NRXN1: variants seen among roughly 807,000 people sequenced by gnomAD.
The protein encoded by NRXN1 is neurexin-1.
Under a neutral mutation model 150.9 loss-of-function variants are expected in NRXN1, and 39 were observed. That is an observed-to-expected ratio of 0.26 (90% CI 0.20 to 0.34). The LOEUF (loss-of-function observed/expected upper bound fraction) is 0.34. NRXN1 is among the 10% of genes least tolerant of loss of function. The pLI, the probability that NRXN1 is intolerant of heterozygous loss-of-function variation, is 1.00. For synonymous variants in NRXN1, 924 were observed against 757.0 expected (o/e 1.22, Z -3.62); for missense variants, 1,815 against 1,949.9 (o/e 0.93, Z 1.30).
chr2:50,113,837 A>T (rs554843312), intron 18 of NRXN1, among the ~76,000 whole-genome samples: 2 of 152,282 alleles, frequency 1.3e-5, no homozygotes, highest in South Asian at 4.1e-4. Flanking sequence ...AGTTTCAGTT[A>T]TTATTATATC....
intron 10 of NRXN1, among the ~76,000 whole-genome samples, chr2:50,533,750 C>G (rs2093179612): frequency 6.6e-6 from 1 of 152,120 alleles, no homozygotes; most frequent in Non-Finnish European, 1.5e-5. Context: ...TCCAGATACA[C>G]CAATTTCATG....
intron 18 of NRXN1, among the ~76,000 whole-genome samples, chr2:50,221,142 C>G (rs965114888): frequency 4.6e-5 from 7 of 151,708 alleles, no homozygotes. Context: ...ACTTTAGAAT[C>G]TCATGGGCTG....
At chr2:50,782,243 C>A (rs550505434) in intron 5 of NRXN1, among the ~76,000 whole-genome samples, 1 of 151,940 alleles carries the variant, frequency 6.6e-6, no homozygotes, top group Admixed American at 6.6e-5. Flanking sequence ...CCGAGGAAGG[C>A]GGATCACTTG....
chr2:50,131,510 G>A (rs993690937), intron 18 of NRXN1, among the ~76,000 whole-genome samples: 2 of 152,134 alleles, frequency 1.3e-5, no homozygotes, highest in African/African-American at 2.4e-5. Context: ...AGAGGACATG[G>A]ACCTTGTCTT....
At chr2:50,188,687 A>C (rs202228792) in intron 18 of NRXN1, among the ~76,000 whole-genome samples, 1 of 151,502 alleles carries the variant, frequency 6.6e-6, no homozygotes, top group East Asian at 1.9e-4. Context: ...GAAAAAAAAA[A>C]CATCAAAAAG....
intron 21 of NRXN1, among the ~76,000 whole-genome samples, chr2:50,011,126 G>A (rs1685593155): frequency 6.6e-6 from 1 of 152,142 alleles, no homozygotes; most frequent in Non-Finnish European, 1.5e-5. Context: ...GTTCGGACTA[G>A]GCTTTACCTT....
chr2:50,808,964 T>G (rs974093988), intron 5 of NRXN1, among the ~76,000 whole-genome samples: 1 of 152,100 alleles, frequency 6.6e-6, no homozygotes, highest in Non-Finnish European at 1.5e-5. Context: ...TGACAACTTT[T>G]AGGAAAAAAT....
chr2:50,732,323 A>G (rs1698197666), intron 5 of NRXN1, among the ~76,000 whole-genome samples: 1 of 152,106 alleles, frequency 6.6e-6, no homozygotes, highest in African/African-American at 2.4e-5. Context: ...TTCCCAACTC[A>G]ATGTTCTCAG....
intron 5 of NRXN1, among the ~76,000 whole-genome samples, chr2:50,640,593 T>G (rs1159996633): frequency 6.6e-6 from 1 of 152,144 alleles, no homozygotes; most frequent in Non-Finnish European, 1.5e-5. Flanking sequence ...AGGGCCAATA[T>G]TTATGTAAAA....
intron 2 of NRXN1, among the ~76,000 whole-genome samples, chr2:50,942,450 C>T (rs1406204724): frequency 1.3e-5 from 2 of 152,156 alleles, no homozygotes; most frequent in Non-Finnish European, 2.9e-5. Flanking sequence ...AGGCACTTAA[C>T]ACCAGCCTGT....
chr2:50,282,379 T>C, intron 17 of NRXN1, among the ~76,000 whole-genome samples: 1 of 152,184 alleles, frequency 6.6e-6, no homozygotes, highest in Non-Finnish European at 1.5e-5. Context: ...CAGTTGACCC[T>C]TGAGCAATAC....
chr2:51,003,685 A>C (rs1401037101), intron 2 of NRXN1, among the ~76,000 whole-genome samples: 3 of 151,978 alleles, frequency 2.0e-5, no homozygotes, highest in Non-Finnish European at 4.4e-5. Flanking sequence ...ATATGACAAT[A>C]TATCCTGCTT....
intron 19 of NRXN1, among the ~76,000 whole-genome samples, chr2:50,072,757 A>G (rs1487079636): frequency 6.6e-6 from 1 of 152,200 alleles, no homozygotes; most frequent in Non-Finnish European, 1.5e-5. Context: ...CATATACCTC[A>G]GTAAAGCTGC....
intron 2 of NRXN1, among the ~76,000 whole-genome samples, chr2:50,999,406 A>G (rs2105070131): frequency 6.6e-6 from 1 of 152,110 alleles, no homozygotes; most frequent in Non-Finnish European, 1.5e-5. Flanking sequence ...AGGTGTTTAT[A>G]TGGGGCTGAA....
chr2:50,245,986 T>C (rs1018956514), intron 17 of NRXN1, among the ~76,000 whole-genome samples: 5 of 151,958 alleles, frequency 3.3e-5, no homozygotes, highest in Non-Finnish European at 5.9e-5. Flanking sequence ...AAATAAATTA[T>C]AATTCACAAA....
rs553009265 is a variant in NRXN1 at position 50,932,795 on chromosome 2, T to C, written c.773-6840A>G. Among the ~76,000 whole-genome samples, 4 of 152,258 alleles carry C rather than the reference T, an allele frequency of 2.6e-5. No individual in the cohort carries two copies. The South Asian group carries it at 8.3e-4, about 32-fold the overall frequency. ...AATATAACTACTGGTATCACTTTTT[T>C]TTCTTAACAGCAATAGAATAAATGA... is the stretch of plus-strand genomic sequence containing the variant. On this transcript the variant is annotated intron_variant, in intron 2 of 22. Coordinates refer to ENST00000401669, the MANE Select transcript of NRXN1 (RefSeq NM_001330078.2).
intron 2 of NRXN1, among the ~76,000 whole-genome samples, chr2:50,965,560 C>T (rs1051751678): frequency 4.6e-5 from 7 of 151,456 alleles, no homozygotes; most frequent in African/African-American, 7.3e-5. Flanking sequence ...GAATAATTAT[C>T]TAATGGCCCA....
intron 18 of NRXN1, among the ~76,000 whole-genome samples, chr2:50,221,732 A>C (rs1027712658): frequency 1.3e-5 from 2 of 152,020 alleles, no homozygotes; most frequent in East Asian, 1.9e-4. Flanking sequence ...TCCACTACTG[A>C]ACATCTTACT....
chr2:51,017,109 T>C (rs1490829466), intron 2 of NRXN1, among the ~76,000 whole-genome samples: 1 of 147,030 alleles, frequency 6.8e-6, no homozygotes, highest in African/African-American at 2.5e-5. Context: ...TGTCAGGGGG[T>C]GGGGGTCTAG....
Sources: gnomAD v4.1 joint callset for allele counts (sites outside exome capture counted in the v4.1 genomes callset) on GRCh38, gnomAD v4.1.1 for gene constraint, MANE v1.5 for transcripts, NCBI Gene and HGNC (gene_info 2026-07-23, HGNC 2026-07-21) for gene names.